RBFOX1: variants seen among roughly 807,000 people sequenced by gnomAD.
RBFOX1 encodes the protein RNA binding protein fox-1 homolog 1.
RBFOX1 carries 8 observed loss-of-function variants against 57.7 expected under a neutral mutation model. The ratio of observed to expected loss-of-function variants is 0.14; its 90% CI spans 0.08 to 0.25. RBFOX1 has a LOEUF of 0.25. Among genes scored for constraint, RBFOX1 ranks in the 10% least tolerant of loss-of-function variants. RBFOX1 has a pLI of 1.00. For synonymous variants in RBFOX1, 326 were observed against 222.4 expected (o/e 1.47, Z -4.15); for missense variants, 611 against 548.5 (o/e 1.11, Z -1.14).
chr16:6,490,557 A>G (rs563411402), intron 2 of RBFOX1, among the ~76,000 whole-genome samples: 7 of 152,296 alleles, frequency 4.6e-5, no homozygotes, highest in South Asian at 2.1e-4. Context: ...TCTGCTTACT[A>G]TTTATTGCCC....
chr16:6,883,672 T>C (rs1212939122), intron 3 of RBFOX1, among the ~76,000 whole-genome samples: 4 of 152,212 alleles, frequency 2.6e-5, no homozygotes, highest in Non-Finnish European at 5.9e-5. Context: ...ATTGAAACCT[T>C]GCCTCCCACA....
At chr16:7,001,912 A>C (rs528505851) in intron 3 of RBFOX1, among the ~76,000 whole-genome samples, 2 of 152,260 alleles carry the variant, frequency 1.3e-5, no homozygotes, top group South Asian at 2.1e-4. Flanking sequence ...GGGGTCCCCA[A>C]AATAGAAGAT....
intron 3 of RBFOX1, among the ~76,000 whole-genome samples, chr16:7,016,427 A>G (rs140082918): frequency 1.2e-3 from 186 of 152,286 alleles, no homozygotes; most frequent in African/African-American, 4.3e-3. Context: ...TGCAGACTGG[A>G]TTTAAATCTG....
At chr16:5,853,125 C>G (rs1381919150) in intron 3 of RBFOX1, among the ~76,000 whole-genome samples, 1 of 151,916 alleles carries the variant, frequency 6.6e-6, no homozygotes, top group Non-Finnish European at 1.5e-5. Flanking sequence ...AAGGAGGCAG[C>G]CAGTAAGGGG....
intron 2 of RBFOX1, among the ~76,000 whole-genome samples, chr16:6,448,442 C>A (rs1259622259): frequency 6.6e-6 from 1 of 152,140 alleles, no homozygotes; most frequent in Non-Finnish European, 1.5e-5. Context: ...CAGACGTGAG[C>A]CACTGCGCCC....
chr16:5,273,899 A>C lies in RBFOX1; in HGVS notation c.219+33794A>C, dbSNP rs148250105. ...TGGAGAAGGGAAAGGAATGCTGGTA[A>C]TGACAAGATTGAATTCCCCACCTGC... On this transcript the variant is annotated intron_variant, in intron 1 of 2. Coordinates refer to the RBFOX1 transcript ENST00000585867. Among the ~76,000 whole-genome samples, 289 of 152,300 alleles carry C rather than the reference A, an allele frequency of 1.9e-3. 2 individuals carry two copies. Among genetic ancestry groups the C allele is most frequent in the African/African-American group, 6.6e-3 (276 of 41,566 alleles).
chr16:6,828,652 G>A (rs577993785), intron 3 of RBFOX1, among the ~76,000 whole-genome samples: 1 of 152,160 alleles, frequency 6.6e-6, no homozygotes, highest in Non-Finnish European at 1.5e-5. Flanking sequence ...ATTTGACCTA[G>A]GATTCACCTA....
At chr16:7,328,434 C>A (rs1414057453) in intron 4 of RBFOX1, among the ~76,000 whole-genome samples, 3 of 132,000 alleles carry the variant, frequency 2.3e-5, no homozygotes, top group South Asian at 5.0e-4. Flanking sequence ...GAGCTGAGAT[C>A]ATGCCATTGC....
chr16:6,019,095 GCA>G lies in RBFOX1; in HGVS notation c.-1013_-1012del, dbSNP rs1427714390. 5.1e-6 allele frequency: 5 copies of G among 980,770 alleles called. No individual in the cohort carries two copies. The highest frequency in any genetic ancestry group is 6.0e-6 in the Non-Finnish European group (5 of 826,924). The allele number at this position is 980,770 out of a possible 1,614,324, so 60.8% of individuals were successfully genotyped here. The stretch of plus-strand genomic sequence containing the variant: ...CGCTCACACACACACAGACACACAC[GCA>G]CACACACACATGCACACATTTTCTC... On this transcript the variant is annotated 5_prime_UTR_variant, in exon 1 of 16. The change creates a new upstream start codon in the 5' untranslated region. Coordinates refer to ENST00000550418, the MANE Select transcript of RBFOX1 (RefSeq NM_018723.4). The surrounding 1 kb of genome is among the most constrained non-coding windows in gnomAD (Gnocchi z 4.2).
At chr16:7,223,516 A>G (rs551615473) in intron 4 of RBFOX1, among the ~76,000 whole-genome samples, 2 of 152,294 alleles carry the variant, frequency 1.3e-5, no homozygotes, top group East Asian at 3.9e-4. Context: ...TTACCTGTGG[A>G]AGTTACTTAT....
intron 2 of RBFOX1, among the ~76,000 whole-genome samples, chr16:6,368,883 T>C (rs9746965): frequency 0.064 from 9,806 of 152,192 alleles, 1,044 homozygotes; most frequent in African/African-American, 0.22. Flanking sequence ...AAAGATGGAT[T>C]GTGGTAAAGT....
intron 9 of RBFOX1, among the ~76,000 whole-genome samples, chr16:7,606,764 C>G (rs545090570): frequency 6.6e-6 from 1 of 152,266 alleles, no homozygotes; most frequent in South Asian, 2.1e-4. Context: ...CACAGTAAAT[C>G]TCTAGGGGAT....
At chr16:7,476,265 T>G (rs2151074473) in intron 4 of RBFOX1, among the ~76,000 whole-genome samples, 1 of 152,328 alleles carries the variant, frequency 6.6e-6, no homozygotes, top group South Asian at 2.1e-4. Flanking sequence ...GAGCCATAAC[T>G]TCTGGCCTAG....
chr16:6,889,463 TG>T, intron 3 of RBFOX1, among the ~76,000 whole-genome samples: 1 of 152,328 alleles, frequency 6.6e-6, no homozygotes, highest in South Asian at 2.1e-4. Flanking sequence ...CTTTGAGAAA[TG>T]GGCTTTTAGC....
At chr16:6,988,725 C>G (rs1334552259) in intron 3 of RBFOX1, among the ~76,000 whole-genome samples, 2 of 138,458 alleles carry the variant, frequency 1.4e-5, no homozygotes, top group African/African-American at 6.1e-5. Flanking sequence ...ACATCACACC[C>G]AGCTAATTTT....
In RBFOX1 at chr16:6,679,206, G is replaced by T. The variant is rs184658522; in HGVS notation, c.-16+24556G>T. 2.2e-3 allele frequency among the ~76,000 whole-genome samples: 335 copies of T among 152,120 alleles called. 4 individuals carry two copies. The highest frequency in any genetic ancestry group is 7.5e-3 in the African/African-American group (310 of 41,502). ...CATCTATTTATGGCATATCAGACTG[G>T]TTTTCAGTTTTGACGATGACATGAA... On this transcript the variant is annotated intron_variant, in intron 3 of 15. Transcript: ENST00000550418.
At chr16:7,069,685 C>T (rs116147367) in intron 4 of RBFOX1, among the ~76,000 whole-genome samples, 1,538 of 152,254 alleles carry the variant, frequency 0.01, 30 homozygotes, top group African/African-American at 0.035. Context: ...CGTGCCCCAG[C>T]TTCCTCATGC....
chr16:5,616,572 T>A (rs1038100093), intron 3 of RBFOX1, among the ~76,000 whole-genome samples: 2 of 146,362 alleles, frequency 1.4e-5, no homozygotes, highest in Non-Finnish European at 3.0e-5. Flanking sequence ...TCCTCTTCCC[T>A]CTCCCTTCTC....
intron 4 of RBFOX1, among the ~76,000 whole-genome samples, chr16:7,177,087 G>C (rs1338387592): frequency 6.6e-6 from 1 of 152,182 alleles, no homozygotes; most frequent in Non-Finnish European, 1.5e-5. Context: ...ATAAAAAGCT[G>C]GTTCGGAGAC....
Sources: allele counts gnomAD v4.1 joint callset (sites outside exome capture counted in the v4.1 genomes callset), GRCh38; gene constraint gnomAD v4.1.1; non-coding constraint Gnocchi (gnomAD v3.1); transcripts MANE v1.5; gene names NCBI Gene and HGNC (gene_info 2026-07-23, HGNC 2026-07-21).